The following TVP23B variants were observed in gnomAD, a reference collection of about 807,000 sequenced individuals.
TVP23B encodes trans-golgi network vesicle protein 23 homolog B.
A neutral mutation model predicts 30.6 loss-of-function variants in TVP23B; 10 were observed. The observed-to-expected ratio is 0.33, with a 90% CI of 0.20 to 0.55. The LOEUF is 0.55. TVP23B is among the 20% of genes least tolerant of loss of function. The pLI, the probability that TVP23B is intolerant of heterozygous loss-of-function variation, is 0.91. For missense variants in TVP23B, 153 were observed against 243.2 expected (o/e 0.63, Z 2.47); for synonymous variants, 67 against 83.1 (o/e 0.81, Z 1.06).
At chr17:18,795,444 A>AC (rs1483363332) in intron 3 of TVP23B, among the ~76,000 whole-genome samples, 1 of 152,110 alleles carries the variant, frequency 6.6e-6, no homozygotes, top group Non-Finnish European at 1.5e-5. Flanking sequence ...CCAATTAATG[A>AC]CCAAGTCCCA....
intron 3 of TVP23B, among the ~76,000 whole-genome samples, chr17:18,791,947 G>A (rs1196496715): frequency 6.6e-6 from 1 of 151,728 alleles, no homozygotes; most frequent in East Asian, 1.9e-4. Flanking sequence ...GGCTGATTTT[G>A]GAGTTTCAGA....
chr17:18,802,961 T>C (rs372360536), intron 5 of TVP23B, among the ~76,000 whole-genome samples: 6 of 152,196 alleles, frequency 3.9e-5, no homozygotes, highest in African/African-American at 1.2e-4. Flanking sequence ...CTAACACGTT[T>C]AATTCCATGA....
At chr17:18,795,713 C>T (rs2036066824) in intron 3 of TVP23B, 1 of 152,092 alleles carries the variant, frequency 6.6e-6, no homozygotes, top group African/African-American at 2.4e-5. Context: ...GTAGTTCCCC[C>T]ATTATCTGAG....
In TVP23B at chr17:18,806,678, CTTTATA is replaced by C. The variant is rs1345242338; in HGVS notation, c.*1115_*1120del. The C allele has an allele frequency of 2.9e-5, 5 of 173,036 alleles. No homozygotes were observed. Among genetic ancestry groups the C allele is most frequent in the Non-Finnish European group, 4.6e-5 (4 of 87,014 alleles). The allele number at this position is 173,036 out of a possible 1,614,324, so 10.7% of individuals were successfully genotyped here. A position where few individuals can be genotyped will look rare whatever the true frequency, so the allele number is the denominator to read the frequency against. On this transcript the variant is annotated 3_prime_UTR_variant, in exon 7 of 7. Coordinates refer to ENST00000307767, the MANE Select transcript of TVP23B (RefSeq NM_016078.6). ...GAGTGATAGCTTTGAAGGTGCAAAA[CTTTATA>C]TTTGTATAAAATTCTACTATTTACA... is the stretch of plus-strand genomic sequence containing the variant.
Position 18,797,591 on chromosome 17 carries a change from A to C in TVP23B, c.253A>C (p.Arg85=). 1 of 1,610,444 alleles carries C rather than the reference A, an allele frequency of 6.2e-7. No individual in the cohort carries two copies. The highest frequency in any genetic ancestry group is 8.5e-7 in the Non-Finnish European group (1 of 1,178,698). ...DFWAVKNVTG[R]LMVGLRWWNH... The stretch of plus-strand genomic sequence containing the variant: ...TAATCTTCACCAGAATGTCACAGGT[A>C]GACTAATGGTTGGCCTACGTTGGTG... The change falls in exon 4 of 7, where the codon AGA becomes CGA. Residue 85 remains arginine, a synonymous_variant. Coordinates refer to ENST00000307767, the MANE Select transcript of TVP23B (RefSeq NM_016078.6).
At chr17:18,786,717 C>T (rs1417020875) in intron 1 of TVP23B, among the ~76,000 whole-genome samples, 2 of 152,202 alleles carry the variant, frequency 1.3e-5, no homozygotes, top group Non-Finnish European at 2.9e-5. Context: ...CCACTAGTCT[C>T]ATAGATCTGA....
intron 3 of TVP23B, chr17:18,796,130 A>G (rs1259252163): frequency 6.6e-6 from 1 of 151,598 alleles, no homozygotes; most frequent in Non-Finnish European, 1.5e-5. Flanking sequence ...GTACAAAATG[A>G]AAAATGTCTG....
At chr17:18,801,761 A>G (rs2151851857) in intron 5 of TVP23B, among the ~76,000 whole-genome samples, 1 of 152,002 alleles carries the variant, frequency 6.6e-6, no homozygotes, top group East Asian at 1.9e-4. Flanking sequence ...AAACAGGGAG[A>G]GGTTATGTGA....
chr17:18,800,925 T>C (rs1181492544), intron 5 of TVP23B, among the ~76,000 whole-genome samples: 1 of 152,234 alleles, frequency 6.6e-6, no homozygotes, highest in Non-Finnish European at 1.5e-5. Context: ...TTCACTCTTA[T>C]GTCAGAGCTG....
chr17:18,786,506 GA>G (rs2151843494), intron 1 of TVP23B, among the ~76,000 whole-genome samples: 2 of 151,994 alleles, frequency 1.3e-5, no homozygotes, highest in Admixed American at 1.3e-4. Context: ...ATGGCGATTA[GA>G]CTGTTGGGAT....
At chr17:18,797,423 T>G (rs2036092506) in intron 3 of TVP23B, 156 bp from the exon 4 acceptor site, 2 of 1,463,576 alleles carry the variant, frequency 1.4e-6, no homozygotes, top group Non-Finnish European at 1.8e-6. Context: ...CTTAATCACT[T>G]AGCCAGGCCT....
At chr17:18,796,806 T>C (rs1158933342) in intron 3 of TVP23B, 1 of 152,246 alleles carries the variant, frequency 6.6e-6, no homozygotes, top group East Asian at 1.9e-4. Flanking sequence ...GTGGACACCA[T>C]TAATTAAACA....
At chr17:18,802,475 G>C (rs2921205) in intron 5 of TVP23B, among the ~76,000 whole-genome samples, 1 of 151,680 alleles carries the variant, frequency 6.6e-6, no homozygotes, top group Non-Finnish European at 1.5e-5. Flanking sequence ...TGTCATGGCT[G>C]TTTCTGCATT....
At chr17:18,802,457 G>C (rs1256899876) in intron 5 of TVP23B, among the ~76,000 whole-genome samples, 1 of 151,892 alleles carries the variant, frequency 6.6e-6, no homozygotes, top group Non-Finnish European at 1.5e-5. Context: ...GTTGGGAGGA[G>C]TTTCTGCTGT....
At position 18,794,460 on chromosome 17, in the gene TVP23B, G is replaced by A. The variant is rs1486241502; in HGVS notation, c.241-3119G>A. Among the ~76,000 whole-genome samples, 3 of 152,198 alleles carry A rather than the reference G, an allele frequency of 2.0e-5. No homozygotes were observed. The East Asian group carries it at 5.8e-4, about 29-fold the overall frequency. Reference sequence around the variant, plus strand: ...AAAGGAAGCAAAAACTGTAAATATAGGTTATTTATACCTTAATGGTGATCA... The same window carrying A: ...AAAGGAAGCAAAAACTGTAAATATAAGTTATTTATACCTTAATGGTGATCA... On this transcript the variant is annotated intron_variant, in intron 3 of 6. Coordinates refer to ENST00000307767, the MANE Select transcript of TVP23B (RefSeq NM_016078.6).
intron 6 of TVP23B, 107 bp downstream of exon 6, chr17:18,804,373 G>T: frequency 7.3e-7 from 1 of 1,376,050 alleles, no homozygotes; most frequent in South Asian, 1.5e-5. Context: ...GCATATAGTT[G>T]TATAAATATA....
rs1432044538 is a variant in TVP23B, at chr17:18,797,462, A to G, written c.241-117A>G. 4.0e-5 allele frequency: 59 copies of G among 1,477,178 alleles called. No individual in the cohort carries two copies. The Middle Eastern group carries it at 7.2e-4, about 18-fold the overall frequency. 91.5% of individuals were successfully genotyped at this position (1,477,178 alleles called of 1,614,324 possible). A position where few individuals can be genotyped will look rare whatever the true frequency, so the allele number is the denominator to read the frequency against. On this transcript the variant is annotated intron_variant, in intron 3 of 6. Transcript: ENST00000307767. ...ACATAGTAGTCTTTGCTAACTGGAT[A>G]TTATGGAGGTAAAGCTGAAGGTTTT...
At chr17:18,790,266 C>T (rs1258759338) in intron 2 of TVP23B, among the ~76,000 whole-genome samples, 1 of 151,978 alleles carries the variant, frequency 6.6e-6, no homozygotes, top group African/African-American at 2.4e-5. Flanking sequence ...AGATTGAGAT[C>T]ATCCTGGCTA....
intron 3 of TVP23B, among the ~76,000 whole-genome samples, chr17:18,795,167 C>T (rs1441956579): frequency 6.6e-6 from 1 of 151,678 alleles, no homozygotes; most frequent in Non-Finnish European, 1.5e-5. Context: ...GCTGAGACTA[C>T]AGGCATGCAC....
Sources: gnomAD v4.1 joint callset for allele counts (sites outside exome capture counted in the v4.1 genomes callset) on GRCh38, gnomAD v4.1.1 for gene constraint, MANE v1.5 for transcripts, NCBI Gene and HGNC (gene_info 2026-07-23, HGNC 2026-07-21) for gene names.